PPP2R5D: variants seen among roughly 807,000 people sequenced by gnomAD.
The protein encoded by PPP2R5D is protein phosphatase 2 regulatory subunit B'delta.
Under a neutral mutation model 79.1 loss-of-function variants are expected in PPP2R5D, and 12 were observed. The observed-to-expected ratio is 0.15, with a 90% CI of 0.10 to 0.25. PPP2R5D has a LOEUF of 0.25. Among genes scored for constraint, PPP2R5D ranks in the 10% least tolerant of loss-of-function variants. PPP2R5D has a pLI of 1.00. For synonymous variants in PPP2R5D, 277 were observed against 286.6 expected (o/e 0.97, Z 0.34); for missense variants, 419 against 760.2 (o/e 0.55, Z 5.28).
intron 2 of PPP2R5D, among the ~76,000 whole-genome samples, chr6:43,003,977 CAA>C (rs1337697806): frequency 6.6e-6 from 1 of 151,874 alleles, no homozygotes; most frequent in Non-Finnish European, 1.5e-5. Flanking sequence ...CTCGGCCTCC[CAA>C]AGTGTTGGGA....
chr6:43,006,714 A>G lies in PPP2R5D; in HGVS notation c.322+35A>G. The G allele has an allele frequency of 6.2e-7, 1 of 1,604,232 alleles. No individual in the cohort carries two copies. The highest frequency in any genetic ancestry group is 1.3e-5 in the African/African-American group (1 of 74,654). ...AATTGGTCACAGGGGCTGTTTTACC[A>G]GTTCTAGTGGGCATCGGGAGTTGGT... On this transcript the variant is annotated intron_variant, in intron 3 of 15. Coordinates refer to ENST00000485511, the MANE Select transcript of PPP2R5D (RefSeq NM_006245.4). This position sits in a 1 kb window ranked among gnomAD's most constrained non-coding sequence, Gnocchi z 4.7.
At chr6:42,987,950 C>A (rs909120898) in intron 1 of PPP2R5D, among the ~76,000 whole-genome samples, 1 of 152,122 alleles carries the variant, frequency 6.6e-6, no homozygotes, top group Admixed American at 6.6e-5. Context: ...GTCCTGCCTG[C>A]ACCCTGCCCC....
intron 2 of PPP2R5D, among the ~76,000 whole-genome samples, chr6:43,003,107 TG>T (rs202076398): frequency 0.018 from 2,815 of 152,278 alleles, 40 homozygotes; most frequent in Middle Eastern, 0.048. Flanking sequence ...CACCTGTGTC[TG>T]GGAGCTATGC....
chr6:43,003,998 G>A (rs139290304), intron 2 of PPP2R5D, among the ~76,000 whole-genome samples: 2,769 of 151,566 alleles, frequency 0.018, 31 homozygotes, highest in South Asian at 0.03. Context: ...GATTACAGGC[G>A]TGAGCCACCG....
chr6:43,006,465 C>CCAGCCG lies in PPP2R5D; in HGVS notation c.114_119dup (p.Pro46_Gln47dup), dbSNP rs1762084805. Reference sequence around the variant, plus strand: ...CAACAGGTGACTTGTTTGACCAGGCCCAGCCGCAGCCCCAGCCCCAGCCCC... The same window carrying CCAGCCG: ...CAACAGGTGACTTGTTTGACCAGGCCCAGCCGCAGCCGCAGCCCCAGCCCCAGCCCC... On this transcript the variant is annotated inframe_insertion, in exon 3 of 16. Transcript: ENST00000485511. The surrounding 1 kb of genome is among the most constrained non-coding windows in gnomAD (Gnocchi z 4.7). 1 of 1,612,696 alleles carries CCAGCCG rather than the reference C, an allele frequency of 6.2e-7. No homozygotes were observed. Among genetic ancestry groups the CCAGCCG allele is most frequent in the South Asian group, 1.1e-5 (1 of 91,006 alleles).
At chr6:42,999,701 G>T (rs563000175) in intron 2 of PPP2R5D, among the ~76,000 whole-genome samples, 6 of 151,846 alleles carry the variant, frequency 4.0e-5, no homozygotes, top group Non-Finnish European at 8.8e-5. Flanking sequence ...GAGTAGCTCG[G>T]ATTACAGGCC....
Position 43,007,119 on chromosome 6 carries a change from A to C in PPP2R5D, c.522+9A>C. On this transcript the variant is annotated intron_variant, in intron 4 of 15. Transcript: ENST00000485511. This position sits in a 1 kb window ranked among gnomAD's most constrained non-coding sequence, Gnocchi z 4.5. ...CTGAGGCTGTCACCATGGTGGGCAC[A>C]GGGAAAGGACACAGGGGGGACTGGT... 1 of 1,614,170 alleles carries C rather than the reference A, an allele frequency of 6.2e-7. No individual in the cohort carries two copies. The highest frequency in any genetic ancestry group is 8.5e-7 in the Non-Finnish European group (1 of 1,180,034).
Position 43,006,869 on chromosome 6 carries a change from G to A in PPP2R5D, c.323-42G>A. ...TTGAAGGCAAGCAGGGCATCGCAGT[G>A]AAGGACTACAGAGGAGAACCTGACT... is the stretch of plus-strand genomic sequence containing the variant. On this transcript the variant is annotated intron_variant, in intron 3 of 15. Coordinates refer to ENST00000485511, the MANE Select transcript of PPP2R5D (RefSeq NM_006245.4). This position sits in a 1 kb window ranked among gnomAD's most constrained non-coding sequence, Gnocchi z 4.7. The A allele has an allele frequency of 6.2e-7, 1 of 1,609,490 alleles. No homozygotes were observed. Among genetic ancestry groups the A allele is most frequent in the East Asian group, 2.2e-5 (1 of 44,814 alleles).
At chr6:42,994,104 C>T (rs1771465903) in intron 2 of PPP2R5D, among the ~76,000 whole-genome samples, 1 of 151,200 alleles carries the variant, frequency 6.6e-6, no homozygotes, top group Non-Finnish European at 1.5e-5. Context: ...GTCAGGAGTT[C>T]GAGACTAGCC....
chr6:43,004,679 A>G lies in PPP2R5D; in HGVS notation c.106-1784A>G, dbSNP rs1215751675. On this transcript the variant is annotated intron_variant, in intron 2 of 15. Transcript: ENST00000485511. ...CTGCAGACATTTCCCTTCCTCCAAA[A>G]ATACCACCATTTTGGGCAAATTACT... is the stretch of plus-strand genomic sequence containing the variant. Among the ~76,000 whole-genome samples, 6 of 151,062 alleles carry G rather than the reference A, an allele frequency of 4.0e-5. No individual in the cohort carries two copies. The East Asian group carries it at 9.6e-4, about 24-fold the overall frequency.
At chr6:42,987,583 C>G (rs899399243) in intron 1 of PPP2R5D, among the ~76,000 whole-genome samples, 1 of 152,140 alleles carries the variant, frequency 6.6e-6, no homozygotes, top group African/African-American at 2.4e-5. Flanking sequence ...GAGTTGGGCC[C>G]AAAACACAGG....
intron 2 of PPP2R5D, among the ~76,000 whole-genome samples, chr6:42,996,317 T>C (rs1771684552): frequency 6.6e-6 from 1 of 150,920 alleles, no homozygotes; most frequent in Non-Finnish European, 1.5e-5. Context: ...TACAAAAAAT[T>C]AGCCGGGCGT....
intron 1 of PPP2R5D, among the ~76,000 whole-genome samples, chr6:42,987,384 G>A (rs1210146909): frequency 6.6e-6 from 1 of 151,984 alleles, no homozygotes; most frequent in African/African-American, 2.4e-5. Context: ...TCCTGAGTAG[G>A]GTGCCCCTGC....
chr6:43,006,869 G>T lies in PPP2R5D; in HGVS notation c.323-42G>T. The T allele has an allele frequency of 6.2e-7, 1 of 1,609,490 alleles. No homozygotes were observed. The highest frequency in any genetic ancestry group is 8.5e-7 in the Non-Finnish European group (1 of 1,177,092). ...TTGAAGGCAAGCAGGGCATCGCAGT[G>T]AAGGACTACAGAGGAGAACCTGACT... On this transcript the variant is annotated intron_variant, in intron 3 of 15. Coordinates refer to ENST00000485511, the MANE Select transcript of PPP2R5D (RefSeq NM_006245.4). This position sits in a 1 kb window ranked among gnomAD's most constrained non-coding sequence, Gnocchi z 4.7.
chr6:43,004,629 A>G (rs1761963087), intron 2 of PPP2R5D, among the ~76,000 whole-genome samples: 1 of 148,830 alleles, frequency 6.7e-6, no homozygotes, highest in Admixed American at 6.7e-5. Context: ...CATGGAAAAT[A>G]AGTCCTCATC....
intron 1 of PPP2R5D, among the ~76,000 whole-genome samples, chr6:42,989,003 A>G (rs1771057882): frequency 6.6e-6 from 1 of 152,016 alleles, no homozygotes; most frequent in Non-Finnish European, 1.5e-5. Context: ...TCAGGGTTTT[A>G]CCCCCATCCC....
At chr6:42,995,628 C>T (rs1260703771) in intron 2 of PPP2R5D, among the ~76,000 whole-genome samples, 1 of 151,732 alleles carries the variant, frequency 6.6e-6, no homozygotes, top group Non-Finnish European at 1.5e-5. Flanking sequence ...TCTCAGCTCA[C>T]TGCAACCCCT....
In PPP2R5D at chr6:43,008,983, G is replaced by A; in HGVS notation, c.1081-74G>A. ...TGTGCCCACCAGGGTGGGGGAGAGA[G>A]CAGGTAGGAAAACTTCCTGGTGACC... On this transcript the variant is annotated intron_variant, in intron 10 of 15. Coordinates refer to ENST00000485511, the MANE Select transcript of PPP2R5D (RefSeq NM_006245.4). The surrounding 1 kb of genome is among the most constrained non-coding windows in gnomAD (Gnocchi z 4.2). 3 of 1,527,968 alleles carry A rather than the reference G, an allele frequency of 2.0e-6. No individual in the cohort carries two copies. The highest frequency in any genetic ancestry group is 2.7e-6 in the Non-Finnish European group (3 of 1,118,152). The allele number at this position is 1,527,968 out of a possible 1,614,324, so 94.7% of individuals were successfully genotyped here. A position where few individuals can be genotyped will look rare whatever the true frequency, so the allele number is the denominator to read the frequency against.
Position 43,008,341 on chromosome 6 carries a change from C to A in PPP2R5D, c.918-26C>A. ...CTGAACTTGGATCTGACCCTCTGGT[C>A]CTAACAAATGTCCCTTAATTCCTAG... is the stretch of plus-strand genomic sequence containing the variant. On this transcript the variant is annotated intron_variant, in intron 8 of 15. Coordinates refer to ENST00000485511, the MANE Select transcript of PPP2R5D (RefSeq NM_006245.4). This position sits in a 1 kb window ranked among gnomAD's most constrained non-coding sequence, Gnocchi z 4.2. The A allele has an allele frequency of 6.2e-7, 1 of 1,613,138 alleles. No individual in the cohort carries two copies. The highest frequency in any genetic ancestry group is 1.1e-5 in the South Asian group (1 of 91,050).
Sources: gnomAD v4.1 joint callset for allele counts (sites outside exome capture counted in the v4.1 genomes callset) on GRCh38, gnomAD v4.1.1 for gene constraint, Gnocchi (gnomAD v3.1) non-coding constraint, MANE v1.5 for transcripts, NCBI Gene and HGNC (gene_info 2026-07-23, HGNC 2026-07-21) for gene names.